SH3RF3: variants seen among roughly 807,000 people sequenced by gnomAD.
SH3RF3 encodes the protein SH3 domain containing ring finger 3.
A neutral mutation model predicts 66.3 loss-of-function variants in SH3RF3; 29 were observed. The observed-to-expected ratio is 0.44, with a 90% CI of 0.33 to 0.60. The LOEUF (loss-of-function observed/expected upper bound fraction) is 0.60, where lower values mean the gene tolerates loss of function less well. Among genes scored for constraint, SH3RF3 ranks in the 20% least tolerant of loss-of-function variants. SH3RF3 has a pLI of 0.04. For synonymous variants in SH3RF3, 583 were observed against 532.0 expected (o/e 1.10, Z -1.32); for missense variants, 1,194 against 1,190.9 (o/e 1.00, Z -0.04).
chr2:109,322,729 T>A (rs1374351366), intron 1 of SH3RF3, among the ~76,000 whole-genome samples: 2 of 152,220 alleles, frequency 1.3e-5, no homozygotes, highest in Non-Finnish European at 2.9e-5. Flanking sequence ...AAGAGGTAGA[T>A]GATCAGCTCA....
At position 109,501,789 on chromosome 2, in the gene SH3RF3, CG is replaced by C. The variant is rs1679395150; in HGVS notation, c.*123del. On this transcript the variant is annotated 3_prime_UTR_variant, in exon 10 of 10. Coordinates refer to ENST00000309415, the MANE Select transcript of SH3RF3 (RefSeq NM_001099289.3). ...TCCAGGTCATCTCCAAGGCACCTGG[CG>C]GGGGATACCCTGGCCCAGGGTGGGG... The C allele has an allele frequency of 1.3e-5, 8 of 624,742 alleles. No homozygotes were observed. The highest frequency in any genetic ancestry group is 2.5e-5 in the Admixed American group (1 of 39,676). The allele number at this position is 624,742 out of a possible 1,614,324, so 38.7% of individuals were successfully genotyped here.
At chr2:109,470,406 A>G (rs72947142) in intron 8 of SH3RF3, among the ~76,000 whole-genome samples, 1,710 of 152,252 alleles carry the variant, frequency 0.011, 36 homozygotes, top group African/African-American at 0.038. Flanking sequence ...CGCCTTGTCA[A>G]TCTTTGGTTC....
intron 1 of SH3RF3, among the ~76,000 whole-genome samples, chr2:109,328,168 G>A (rs1249120747): frequency 6.6e-6 from 1 of 152,198 alleles, no homozygotes; most frequent in Non-Finnish European, 1.5e-5. Context: ...AGAATTAACA[G>A]TAGTTGCCTG....
At chr2:109,420,597 C>T (rs1160269653) in intron 5 of SH3RF3, among the ~76,000 whole-genome samples, 1 of 152,146 alleles carries the variant, frequency 6.6e-6, no homozygotes, top group Middle Eastern at 3.2e-3. Context: ...AGGTGCCAGC[C>T]ACCACGCCTG....
intron 2 of SH3RF3, among the ~76,000 whole-genome samples, chr2:109,352,241 TC>T (rs1682853922): frequency 6.6e-6 from 1 of 152,228 alleles, no homozygotes; most frequent in Admixed American, 6.5e-5. Flanking sequence ...AAGTTGCACT[TC>T]CGTCAGATGG....
intron 8 of SH3RF3, among the ~76,000 whole-genome samples, chr2:109,467,044 G>A (rs1453159807): frequency 6.6e-6 from 1 of 152,242 alleles, no homozygotes; most frequent in Non-Finnish European, 1.5e-5. Flanking sequence ...CTCCTGCTCT[G>A]CTGGTGGAAA....
chr2:109,155,081 G>A (rs1365626776), intron 1 of SH3RF3, among the ~76,000 whole-genome samples: 5 of 152,172 alleles, frequency 3.3e-5, no homozygotes, highest in African/African-American at 7.2e-5. Context: ...GCCTCCCTCC[G>A]GGCCAGGGCA....
chr2:109,369,439 C>T (rs1401603920), intron 2 of SH3RF3, among the ~76,000 whole-genome samples: 1 of 152,240 alleles, frequency 6.6e-6, no homozygotes, highest in Non-Finnish European at 1.5e-5. Context: ...AGACCTGAGG[C>T]TGACTTTTGG....
intron 3 of SH3RF3, among the ~76,000 whole-genome samples, chr2:109,385,935 A>G (rs960415796): frequency 6.6e-6 from 1 of 152,228 alleles, no homozygotes; most frequent in Non-Finnish European, 1.5e-5. Flanking sequence ...AATTTGCAAC[A>G]CAGTGCATCT....
Position 109,501,991 on chromosome 2 carries a change from G to A in SH3RF3, c.*320G>A, listed in dbSNP as rs1245299764. 6.7e-6 allele frequency: 2 copies of A among 296,396 alleles called. No homozygotes were observed. Among genetic ancestry groups the A allele is most frequent in the African/African-American group, 4.2e-5 (2 of 47,792 alleles). 18.4% of individuals were successfully genotyped at this position (296,396 alleles called of 1,614,324 possible). ...GTGGCTGTGGTTTGCAGCCATGGCA[G>A]CGTTCTCATTTACCACCTAAGCAGG... On this transcript the variant is annotated 3_prime_UTR_variant, in exon 10 of 10. Transcript: ENST00000309415.
chr2:109,354,776 T>A (rs962368392), intron 2 of SH3RF3, among the ~76,000 whole-genome samples: 1 of 152,264 alleles, frequency 6.6e-6, no homozygotes, highest in Non-Finnish European at 1.5e-5. Flanking sequence ...TCTGTGTCTG[T>A]GGCTTTCCTT....
At chr2:109,172,342 C>T (rs1177111912) in intron 1 of SH3RF3, among the ~76,000 whole-genome samples, 2 of 152,244 alleles carry the variant, frequency 1.3e-5, no homozygotes, top group African/African-American at 2.4e-5. Flanking sequence ...CGCGAGCCAG[C>T]GGTCAAACCC....
At chr2:109,355,456 A>G (rs1237989453) in intron 2 of SH3RF3, among the ~76,000 whole-genome samples, 1 of 152,224 alleles carries the variant, frequency 6.6e-6, no homozygotes, top group Non-Finnish European at 1.5e-5. Context: ...TTATTGGTAC[A>G]CAGCCATAAT....
chr2:109,141,627 C>G (rs1676951842), intron 1 of SH3RF3: 1 of 154,864 alleles, frequency 6.5e-6, no homozygotes, highest in South Asian at 2.0e-4. Flanking sequence ...ATTTAGGGTG[C>G]AGATCCCAGG....
chr2:109,226,689 C>T lies in SH3RF3; in HGVS notation c.573+96576C>T, dbSNP rs983724183. Among the ~76,000 whole-genome samples the T allele has an allele frequency of 7.9e-5, 12 of 152,274 alleles. 1 individual carries two copies. The South Asian group carries it at 1.9e-3, about 24-fold the overall frequency. ...CATGCATCTGCTCCCTTTGTGGCTC[C>T]GTTTGCTCCTAAGTCTTTGCAGGAT... On this transcript the variant is annotated intron_variant, in intron 1 of 9. Transcript: ENST00000309415.
At chr2:109,208,212 T>C (rs1412363162) in intron 1 of SH3RF3, among the ~76,000 whole-genome samples, 1 of 152,226 alleles carries the variant, frequency 6.6e-6, no homozygotes, top group Non-Finnish European at 1.5e-5. Context: ...AGAGCAAAGC[T>C]GAGGTTTTAG....
intron 1 of SH3RF3, among the ~76,000 whole-genome samples, chr2:109,218,002 C>T (rs898479170): frequency 4.6e-5 from 7 of 152,234 alleles, no homozygotes; most frequent in African/African-American, 1.4e-4. Context: ...TGTGCGGACT[C>T]GAGTTTGCTT....
chr2:109,356,993 G>A (rs899357014), intron 2 of SH3RF3, among the ~76,000 whole-genome samples: 1 of 152,122 alleles, frequency 6.6e-6, no homozygotes, highest in Non-Finnish European at 1.5e-5. Context: ...AGACATGCTA[G>A]CACTGAATGC....
chr2:109,429,320 A>C (rs1487646140), intron 5 of SH3RF3, among the ~76,000 whole-genome samples: 2 of 152,178 alleles, frequency 1.3e-5, no homozygotes, highest in African/African-American at 4.8e-5. Flanking sequence ...CAGAGGAAAA[A>C]AAGTAGGCAG....
Sources: allele counts gnomAD v4.1 joint callset (sites outside exome capture counted in the v4.1 genomes callset), GRCh38; gene constraint gnomAD v4.1.1; transcripts MANE v1.5; gene names NCBI Gene and HGNC (gene_info 2026-07-23, HGNC 2026-07-21).